DHRS12: variants seen among roughly 807,000 people sequenced by gnomAD.
DHRS12 encodes dehydrogenase/reductase SDR family member 12.
DHRS12 carries 29 observed loss-of-function variants against 32.1 expected under a neutral mutation model. The ratio of observed to expected loss-of-function variants is 0.90; its 90% CI spans 0.67 to 1.23. The LOEUF is 1.23. DHRS12 is among the 50% of genes most tolerant of loss of function. The probability of loss-of-function intolerance (pLI) is 0.00; values close to 1 mark genes in which losing one functional copy is unlikely to be tolerated. For synonymous variants in DHRS12, 150 were observed against 135.9 expected, an observed-to-expected ratio of 1.10 and a Z score of -0.72; for missense variants, 330 against 337.2, an observed-to-expected ratio of 0.98 and a Z score of 0.17.
intron 2 of DHRS12, among the ~76,000 whole-genome samples, chr13:51,796,860 G>A (rs767880929): frequency 1.3e-5 from 2 of 152,264 alleles, no homozygotes; most frequent in African/African-American, 4.8e-5. Flanking sequence ...CTGATGGCAT[G>A]AGACTGGGGA....
At chr13:51,756,008 T>G in the DHRS12 span, among the ~76,000 whole-genome samples, 13 of 151,912 alleles carry the variant, frequency 8.6e-5, no homozygotes, top group African/African-American at 3.1e-4. Context: ...CGGCAGTTTC[T>G]CAGACACCCC....
chr13:51,777,661 G>A (rs968912196), intron 4 of DHRS12, among the ~76,000 whole-genome samples: 1 of 152,170 alleles, frequency 6.6e-6, no homozygotes, highest in African/African-American at 2.4e-5. Context: ...AAGTGTATGT[G>A]ACATGGAAAG....
chr13:51,756,650 A>G, the DHRS12 span: 1 of 985,196 alleles, frequency 1.0e-6, no homozygotes, highest in Non-Finnish European at 1.2e-6. Context: ...ATGAGAGAAG[A>G]GAAAATACAC....
At chr13:51,780,407 GGGCAGGCCTGGGAGGAGGGAA>G (rs1954649782) in intron 4 of DHRS12, among the ~76,000 whole-genome samples, 1 of 152,132 alleles carries the variant, frequency 6.6e-6, no homozygotes, top group Non-Finnish European at 1.5e-5. Flanking sequence ...TCCCACGGGA[GGGCAGGCCTGGGAGGAGGGAA>G]GGCACCTTCA....
At chr13:51,768,660 G>C (rs1593499682) in intron 8 of DHRS12, 1 of 1,135,308 alleles carries the variant, frequency 8.8e-7, no homozygotes, top group East Asian at 5.8e-5. Flanking sequence ...CAAAGAGCCT[G>C]GCTTCCACCC....
At chr13:51,803,978 C>T in intron 1 of DHRS12, 76 bp downstream of exon 1, 1 of 1,307,138 alleles carries the variant, frequency 7.7e-7, no homozygotes, top group East Asian at 3.2e-5. Context: ...GGGCGCGTCC[C>T]CGCCAACCCT....
Position 51,804,101 on chromosome 13 carries a change from C to G in DHRS12, c.-56G>C, listed in dbSNP as rs1955886166. ...TGGCGAACCACACGACGCTGCGGTA[C>G]AGGGACATGCCGGGAGCGCCCCACG... On this transcript the variant is annotated 5_prime_UTR_variant, in exon 1 of 9. Coordinates refer to ENST00000444610, the MANE Select transcript of DHRS12 (RefSeq NM_001377533.1). 1 of 1,490,930 alleles carries G rather than the reference C, an allele frequency of 6.7e-7. No homozygotes were observed. The highest frequency in any genetic ancestry group is 8.9e-7 in the Non-Finnish European group (1 of 1,126,856). The allele number at this position is 1,490,930 out of a possible 1,614,324, so 92.4% of individuals were successfully genotyped here.
chr13:51,797,374 T>C (rs1468981830), intron 2 of DHRS12, among the ~76,000 whole-genome samples: 1 of 152,126 alleles, frequency 6.6e-6, no homozygotes, highest in Non-Finnish European at 1.5e-5. Context: ...GACCACAAAA[T>C]GTGAGGCAGC....
downstream of DHRS12, chr13:51,765,963 T>C (rs1006314449): frequency 7.9e-5 from 12 of 152,306 alleles, no homozygotes; most frequent in Non-Finnish European, 1.0e-4. Flanking sequence ...TTGTTACTTA[T>C]GATTCTTTTT....
intron 4 of DHRS12, among the ~76,000 whole-genome samples, chr13:51,779,049 G>A (rs925394804): frequency 1.8e-4 from 27 of 152,038 alleles, no homozygotes; most frequent in African/African-American, 2.7e-4. Context: ...AACAGATGGC[G>A]CATCTCCCTT....
At position 51,799,565 on chromosome 13, in the gene DHRS12, G is replaced by A. The variant is rs1170717169; in HGVS notation, c.95C>T (p.Ala32Val). 6.2e-7 allele frequency: 1 copy of A among 1,613,970 alleles called. No individual in the cohort carries two copies. The highest frequency in any genetic ancestry group is 1.3e-5 in the African/African-American group (1 of 75,028). Residue 32 changes from alanine (A) to valine (V), a missense_variant, in exon 2 of 9, where the codon GCA (alanine) becomes GTA (valine). Transcript: ENST00000444610. ...TGGCGATTTCAAGGGCAGTTGCTTT[G>A]CCAATGCCGCTGTTTCCTCCAGTGA... is the stretch of plus-strand genomic sequence containing the variant. ...FWSLEETAAL[A>V]KQLPLKSPSE...
chr13:51,787,884 T>A (rs1186889162), intron 4 of DHRS12, among the ~76,000 whole-genome samples: 1 of 132,540 alleles, frequency 7.5e-6, no homozygotes, highest in African/African-American at 2.8e-5. Context: ...TAATTATATA[T>A]AATATATAAA....
intron 2 of DHRS12, among the ~76,000 whole-genome samples, chr13:51,791,552 C>T (rs1285382176): frequency 1.3e-5 from 2 of 152,106 alleles, no homozygotes; most frequent in Non-Finnish European, 2.9e-5. Context: ...CCGTGTTTTT[C>T]ACTTAACAAT....
intron 7 of DHRS12, 69 bp from the exon 8 acceptor site, chr13:51,769,362 TTAA>T: frequency 1.6e-6 from 2 of 1,221,368 alleles, no homozygotes; most frequent in Admixed American, 3.7e-5. Flanking sequence ...TTCCCTTAAT[TTAA>T]AAAAAAAAAA....
intron 4 of DHRS12, among the ~76,000 whole-genome samples, chr13:51,787,901 T>A (rs1348714037): frequency 1.5e-5 from 2 of 129,442 alleles, no homozygotes; most frequent in South Asian, 2.2e-4. Flanking sequence ...TAAATATATA[T>A]AAAAATATAT....
chr13:51,788,043 A>C (rs1955075814), intron 4 of DHRS12, among the ~76,000 whole-genome samples: 1 of 150,310 alleles, frequency 6.7e-6, no homozygotes, highest in African/African-American at 2.5e-5. Flanking sequence ...GGTGAGCAAG[A>C]GCTGGCTTCA....
In DHRS12 at chr13:51,799,613, C is replaced by G. The variant is rs779745855; in HGVS notation, c.47G>C (p.Arg16Thr). ...TGACCAAAAAGACTCTTCCAGGAAT[C>G]TGGACCTCCAAGTCATGAGGGACAA... ...KTLSLMTWRSRFLEESFWSLE... is the reference protein window; with the variant it reads ...KTLSLMTWRSTFLEESFWSLE... The change falls in exon 2 of 9, where the codon AGA (arginine) becomes ACA (threonine). Residue 16 changes from arginine (R) to threonine (T), a missense_variant. Transcript: ENST00000444610. 6.2e-7 allele frequency: 1 copy of G among 1,614,192 alleles called. No individual in the cohort carries two copies. The highest frequency in any genetic ancestry group is 1.1e-5 in the South Asian group (1 of 91,088).
intron 6 of DHRS12, 150 bp downstream of exon 6, chr13:51,773,780 A>C: frequency 1.5e-6 from 1 of 671,996 alleles, no homozygotes; most frequent in Non-Finnish European, 2.6e-6. Flanking sequence ...GTGCTCCCCA[A>C]AGGGGAGCCC....
chr13:51,755,359 C>T, the DHRS12 span: 4 of 1,614,188 alleles, frequency 2.5e-6, no homozygotes, highest in African/African-American at 1.3e-5. Context: ...TTTGACAAGA[C>T]CCCTGAATGG....
Sources: allele counts gnomAD v4.1 joint callset (sites outside exome capture counted in the v4.1 genomes callset), GRCh38; gene constraint gnomAD v4.1.1; transcripts MANE v1.5; gene names NCBI Gene and HGNC (gene_info 2026-07-23, HGNC 2026-07-21).